CAMKMT: variants seen among roughly 807,000 people sequenced by gnomAD.
The protein encoded by CAMKMT is CaM KMT.
In CAMKMT, 53 loss-of-function variants were observed where a neutral mutation model predicts 48.0. The ratio of observed to expected loss-of-function variants is 1.10; its 90% CI spans 0.89 to 1.39. CAMKMT has a LOEUF of 1.39. CAMKMT is among the 40% of genes most tolerant of loss of function. The pLI is 0.00. For synonymous variants in CAMKMT, 165 were observed against 152.3 expected (o/e 1.08, Z -0.61); for missense variants, 428 against 402.7 (o/e 1.06, Z -0.54).
intron 1 of CAMKMT, among the ~76,000 whole-genome samples, chr2:44,368,070 C>G (rs1678795960): frequency 6.6e-6 from 1 of 152,138 alleles, no homozygotes; most frequent in Non-Finnish European, 1.5e-5. Context: ...GACCTTAGGA[C>G]TTGATGTCTT....
chr2:44,390,451 C>A, intron 3 of CAMKMT, 146 bp downstream of exon 3: 1 of 511,150 alleles, frequency 2.0e-6, no homozygotes, highest in Non-Finnish European at 3.2e-6. Flanking sequence ...CTGTCTTTAG[C>A]TGCAAAATAA....
chr2:44,542,537 ACTCTCT>A (rs796094902), intron 3 of CAMKMT, among the ~76,000 whole-genome samples: 8 of 67,888 alleles, frequency 1.2e-4, no homozygotes, highest in East Asian at 5.3e-4. Flanking sequence ...ACACACACAC[ACTCTCT>A]CTCTCTCTCT....
At chr2:44,410,702 G>A (rs1038265812) in intron 3 of CAMKMT, among the ~76,000 whole-genome samples, 3 of 152,106 alleles carry the variant, frequency 2.0e-5, no homozygotes, top group African/African-American at 7.2e-5. Flanking sequence ...GACGGATATA[G>A]TAATTTGGAG....
At chr2:44,535,443 AAC>A (rs1308297531) in intron 3 of CAMKMT, among the ~76,000 whole-genome samples, 1 of 152,148 alleles carries the variant, frequency 6.6e-6, no homozygotes, top group African/African-American at 2.4e-5. Context: ...CAGCAACAAA[AAC>A]TACAGGCCAA....
At position 44,628,815 on chromosome 2, in the gene CAMKMT, T is replaced by C. The variant is rs190853755; in HGVS notation, c.377-75468T>C. Reference sequence around the variant, plus strand: ...GTATATTGTTTAATTGCCAAATATTTGAGAGTTTTCAAGACATCTTTTTTG... The same window carrying C: ...GTATATTGTTTAATTGCCAAATATTCGAGAGTTTTCAAGACATCTTTTTTG... On this transcript the variant is annotated intron_variant, in intron 3 of 10. Transcript: ENST00000378494. 1.7e-4 allele frequency among the ~76,000 whole-genome samples: 26 copies of C among 152,358 alleles called. No individual in the cohort carries two copies. The East Asian group carries it at 5.0e-3, about 29-fold the overall frequency.
intron 3 of CAMKMT, among the ~76,000 whole-genome samples, chr2:44,635,658 T>C (rs928934408): frequency 1.3e-5 from 2 of 152,228 alleles, no homozygotes; most frequent in African/African-American, 2.4e-5. Flanking sequence ...ATATGACTTT[T>C]ATTTTAGTTG....
intron 3 of CAMKMT, chr2:44,457,113 CTG>C (rs947577751): frequency 2.6e-5 from 4 of 152,214 alleles, no homozygotes; most frequent in African/African-American, 9.7e-5. Flanking sequence ...AGAGTATAAA[CTG>C]TGAAAAGTCT....
At chr2:44,652,274 T>C (rs1407496222) in intron 3 of CAMKMT, among the ~76,000 whole-genome samples, 2 of 152,218 alleles carry the variant, frequency 1.3e-5, no homozygotes, top group East Asian at 1.9e-4. Context: ...TCCCTTTTAC[T>C]TGTGTTCTTA....
intron 2 of CAMKMT, among the ~76,000 whole-genome samples, chr2:44,385,539 CT>C (rs1256501948): frequency 3.3e-5 from 5 of 151,524 alleles, no homozygotes; most frequent in African/African-American, 9.7e-5. Context: ...AGTGGGCATC[CT>C]TGTCTTGTTC....
In CAMKMT at chr2:44,729,137, C is replaced by A. The variant is rs75829584; in HGVS notation, c.623+13784C>A. Among the ~76,000 whole-genome samples, 1,055 of 151,240 alleles carry A rather than the reference C, an allele frequency of 7.0e-3. 24 individuals carry two copies. The East Asian group carries it at 0.083, about 12-fold the overall frequency. ...GGGTCATTCCAGAGAAGTGACTGTACGTAGAATGTAAAATAGAGGCAGAGT... is the reference window on the plus strand; with the variant it reads ...GGGTCATTCCAGAGAAGTGACTGTAAGTAGAATGTAAAATAGAGGCAGAGT... On this transcript the variant is annotated intron_variant, in intron 7 of 10. Coordinates refer to ENST00000378494, the MANE Select transcript of CAMKMT (RefSeq NM_024766.5).
chr2:44,645,158 T>C (rs1194678953), intron 3 of CAMKMT, among the ~76,000 whole-genome samples: 2 of 152,160 alleles, frequency 1.3e-5, no homozygotes, highest in South Asian at 2.1e-4. Flanking sequence ...GAAAGGTAGA[T>C]GGAAGGTTGT....
chr2:44,733,395 A>G (rs1679185434), intron 7 of CAMKMT, among the ~76,000 whole-genome samples: 1 of 152,292 alleles, frequency 6.6e-6, no homozygotes, highest in Admixed American at 6.5e-5. Context: ...GTATCCCACA[A>G]TCCTACTAAA....
chr2:44,434,667 T>C (rs1169535427), intron 3 of CAMKMT, among the ~76,000 whole-genome samples: 1 of 151,372 alleles, frequency 6.6e-6, no homozygotes, highest in African/African-American at 2.4e-5. Context: ...GAAGCAGCTT[T>C]GTGTGTGTGT....
At chr2:44,677,349 AC>A (rs1021642194) in intron 3 of CAMKMT, among the ~76,000 whole-genome samples, 1 of 152,134 alleles carries the variant, frequency 6.6e-6, no homozygotes, top group African/African-American at 2.4e-5. Flanking sequence ...ACATAGGCAA[AC>A]TTGTGCATAT....
At chr2:44,437,853 A>C (rs11902778) in intron 3 of CAMKMT, among the ~76,000 whole-genome samples, 2,566 of 151,854 alleles carry the variant, frequency 0.017, 83 homozygotes, top group African/African-American at 0.057. Flanking sequence ...AAAAAAAAAA[A>C]AAAATGATCA....
At chr2:44,607,595 GT>G (rs1200149119) in intron 3 of CAMKMT, among the ~76,000 whole-genome samples, 3 of 152,088 alleles carry the variant, frequency 2.0e-5, no homozygotes, top group African/African-American at 7.2e-5. Context: ...TTATTGATAT[GT>G]TTTTTAGTGA....
At chr2:44,660,008 A>T (rs1674594375) in intron 3 of CAMKMT, among the ~76,000 whole-genome samples, 1 of 152,232 alleles carries the variant, frequency 6.6e-6, no homozygotes, top group Admixed American at 6.5e-5. Context: ...TATTTATTGT[A>T]TTAGAAATTA....
At chr2:44,511,379 A>C (rs573407458) in intron 3 of CAMKMT, among the ~76,000 whole-genome samples, 1 of 152,066 alleles carries the variant, frequency 6.6e-6, no homozygotes, top group African/African-American at 2.4e-5. Context: ...ACCTCCGCCT[A>C]CTAGGTTCAA....
intron 3 of CAMKMT, among the ~76,000 whole-genome samples, chr2:44,651,615 C>T (rs1262303890): frequency 2.0e-5 from 3 of 152,130 alleles, no homozygotes; most frequent in South Asian, 2.1e-4. Flanking sequence ...AAAGTGGCAT[C>T]TATGATTGCA....
Sources: gnomAD v4.1 joint callset for allele counts (sites outside exome capture counted in the v4.1 genomes callset) on GRCh38, gnomAD v4.1.1 for gene constraint, MANE v1.5 for transcripts, NCBI Gene and HGNC (gene_info 2026-07-23, HGNC 2026-07-21) for gene names.